The following DOCK7 variants were observed in gnomAD, a reference collection of about 807,000 sequenced individuals.
The protein encoded by DOCK7 is dedicator of cytokinesis 7, also known as dedicator of cytokinesis protein 7.
DOCK7 carries 138 observed loss-of-function variants against 271.0 expected under a neutral mutation model. The observed-to-expected ratio is 0.51, with a 90% confidence interval of 0.44 to 0.59. DOCK7 has a LOEUF of 0.59. Ranked by LOEUF, DOCK7 falls within the 20% of genes least tolerant of loss-of-function variation. The pLI, the probability that DOCK7 is intolerant of heterozygous loss-of-function variation, is 0.00. For missense variants in DOCK7, 2,066 were observed against 2,592.4 expected, an observed-to-expected ratio of 0.80 and a Z score of 4.41; for synonymous variants, 823 against 876.1, an observed-to-expected ratio of 0.94 and a Z score of 1.07.
chr1:62,677,099 TG>T (rs1183089474), intron 1 of DOCK7, among the ~76,000 whole-genome samples: 3 of 152,184 alleles, frequency 2.0e-5, no homozygotes, highest in Admixed American at 6.5e-5. Context: ...CACTAAAAAA[TG>T]ACTAATTTTA....
At chr1:62,662,656 G>A (rs1254891078) in intron 2 of DOCK7, among the ~76,000 whole-genome samples, 1 of 152,100 alleles carries the variant, frequency 6.6e-6, no homozygotes, top group African/African-American at 2.4e-5. Context: ...AGCTACTCAG[G>A]AGGCTAAGGC....
intron 1 of DOCK7, among the ~76,000 whole-genome samples, chr1:62,680,050 G>A (rs867914122): frequency 1.3e-5 from 2 of 152,084 alleles, no homozygotes; most frequent in Non-Finnish European, 2.9e-5. Context: ...TAAAGTTCAT[G>A]TGGAACCAAA....
In DOCK7 at chr1:62,682,047, G is replaced by GA. The variant is rs200210698; in HGVS notation, c.38+6179dup. Among the ~76,000 whole-genome samples, 456 of 135,174 alleles carry GA rather than the reference G, an allele frequency of 3.4e-3. 3 individuals are homozygous for GA. The highest frequency in any genetic ancestry group is 0.019 in the East Asian group (88 of 4,680). 88.7% of individuals were successfully genotyped at this position (135,174 alleles called of 152,430 possible). A position where few individuals can be genotyped will look rare whatever the true frequency, so the allele number is the denominator to read the frequency against. On this transcript the variant is annotated intron_variant, in intron 1 of 49. Coordinates refer to ENST00000635253, the MANE Select transcript of DOCK7 (RefSeq NM_001367561.1). ...AAGAAAAGGAAGAATGTATCTAAAA[G>GA]AAAAAAAAAAAACAGCAGAACAGTT...
intron 12 of DOCK7, among the ~76,000 whole-genome samples, chr1:62,621,286 G>C (rs1268901934): frequency 6.6e-6 from 1 of 152,168 alleles, no homozygotes; most frequent in African/African-American, 2.4e-5. Context: ...AATATGAAGA[G>C]ACCTTGAAAA....
In DOCK7 at chr1:62,499,342, C is replaced by T. The variant is rs188641294; in HGVS notation, c.4765-2845G>A. On this transcript the variant is annotated intron_variant, in intron 37 of 49. Transcript: ENST00000635253. ...AAGGACAGTATGAGATAGCAATTTC[C>T]CACTTCTGGATTTCATGTAAAAATA... is the stretch of plus-strand genomic sequence containing the variant. 4.2e-3 allele frequency among the ~76,000 whole-genome samples: 632 copies of T among 152,140 alleles called. 2 individuals carry two copies. Among genetic ancestry groups the T allele is most frequent in the Non-Finnish European group, 7.0e-3 (479 of 67,980 alleles).
chr1:62,620,684 T>C (rs948791790), intron 12 of DOCK7, among the ~76,000 whole-genome samples: 4 of 151,104 alleles, frequency 2.6e-5, no homozygotes, highest in Non-Finnish European at 5.9e-5. Context: ...ATCGAGACCA[T>C]CCTGGCCAAC....
chr1:62,654,201 G>A, intron 2 of DOCK7, 42 bp from the exon 3 acceptor site: 4 of 1,510,842 alleles, frequency 2.6e-6, no homozygotes, highest in East Asian at 2.3e-5. Context: ...GAAAACAAGA[G>A]GTGAATGTAA....
At chr1:62,648,618 T>C in intron 4 of DOCK7, 74 bp from the exon 5 acceptor site, 1 of 791,046 alleles carries the variant, frequency 1.3e-6, no homozygotes, top group Non-Finnish European at 1.8e-6. Context: ...GGCATCATTA[T>C]GTAATAAGCC....
At chr1:62,521,887 A>G (rs1046217648) in intron 31 of DOCK7, among the ~76,000 whole-genome samples, 1 of 152,158 alleles carries the variant, frequency 6.6e-6, no homozygotes, top group Non-Finnish European at 1.5e-5. Context: ...AAGGCAGGAG[A>G]ATGGCTTGAA....
In DOCK7 at chr1:62,625,289, A is replaced by G; in HGVS notation, c.1395T>C (p.Ala465=). The G allele has an allele frequency of 6.2e-7, 1 of 1,614,036 alleles. No homozygotes were observed. Among genetic ancestry groups the G allele is most frequent in the Non-Finnish European group, 8.5e-7 (1 of 1,179,966 alleles). Residue 465 remains alanine, a synonymous_variant, in exon 12 of 50, where the codon GCT becomes GCC. Transcript: ENST00000635253. ...DACNLTSFRP[A]TLTVTNFFKQ... ...TAAAAAAATTTGTCACTGTGAGAGT[A>G]GCTGGTCGAAAGCTCGTCAAGTTAC...
chr1:62,648,173 T>C lies in DOCK7; in HGVS notation c.665A>G (p.Gln222Arg), dbSNP rs1656906150. The C allele has an allele frequency of 6.2e-7, 1 of 1,613,602 alleles. No homozygotes were observed. Among genetic ancestry groups the C allele is most frequent in the African/African-American group, 1.3e-5 (1 of 74,910 alleles). ...GTTTGATTTCCTTTGGTCATCATTC[T>C]GACGGTCTATTTCTTCATTTGGAGT... ...DRTPNEEIDRQNDDQRKSNRH... is the reference protein window; with the variant it reads ...DRTPNEEIDRRNDDQRKSNRH... Residue 222 changes from glutamine to arginine, a missense_variant, in exon 6 of 50, where the codon CAG (glutamine) becomes CGG (arginine). By Grantham distance (43) the Gln-to-Arg change is conservative (BLOSUM62 1). Coordinates refer to ENST00000635253, the MANE Select transcript of DOCK7 (RefSeq NM_001367561.1).
At chr1:62,585,696 T>G (rs1335445499) in intron 15 of DOCK7, among the ~76,000 whole-genome samples, 1 of 152,208 alleles carries the variant, frequency 6.6e-6, no homozygotes, top group Non-Finnish European at 1.5e-5. Context: ...ATTAACATTT[T>G]AATGACCTTT....
intron 43 of DOCK7, among the ~76,000 whole-genome samples, chr1:62,480,733 G>T (rs1646096123): frequency 6.6e-6 from 1 of 152,214 alleles, no homozygotes; most frequent in Non-Finnish European, 1.5e-5. Context: ...AACAGGCCAG[G>T]CGCGGTGGCT....
At chr1:62,651,143 T>C (rs1486351560) in intron 4 of DOCK7, among the ~76,000 whole-genome samples, 1 of 151,546 alleles carries the variant, frequency 6.6e-6, no homozygotes, top group Non-Finnish European at 1.5e-5. Flanking sequence ...ATGTCCTTTG[T>C]AGGGACATGG....
intron 16 of DOCK7, among the ~76,000 whole-genome samples, chr1:62,579,464 C>T (rs975137815): frequency 5.3e-5 from 8 of 151,938 alleles, no homozygotes; most frequent in African/African-American, 1.7e-4. Context: ...GGTGTAGTGG[C>T]TCACACCTGT....
chr1:62,596,653 AT>A (rs753119055), intron 14 of DOCK7, among the ~76,000 whole-genome samples: 1 of 152,242 alleles, frequency 6.6e-6, no homozygotes, highest in East Asian at 1.9e-4. Flanking sequence ...TAAAAAAAAA[AT>A]GTTATTAATC....
chr1:62,487,326 G>A (rs1338640809), intron 43 of DOCK7, 72 bp downstream of exon 43: 22 of 1,480,088 alleles, frequency 1.5e-5, no homozygotes, highest in Non-Finnish European at 2.0e-5. Context: ...GCACATGTGG[G>A]CAAAGCATTG....
intron 1 of DOCK7, among the ~76,000 whole-genome samples, chr1:62,683,076 C>G (rs968316069): frequency 3.3e-5 from 5 of 152,064 alleles, no homozygotes; most frequent in Admixed American, 3.3e-4. Flanking sequence ...GGTAGAGAAA[C>G]AAAATTGTTA....
At chr1:62,530,551 A>T (rs1210915266) in intron 29 of DOCK7, 2 of 152,246 alleles carry the variant, frequency 1.3e-5, no homozygotes, top group Non-Finnish European at 2.9e-5. Flanking sequence ...GCTGTATGTG[A>T]AATCTAGATG....
Sources: gnomAD v4.1 joint callset for allele counts (sites outside exome capture counted in the v4.1 genomes callset) on GRCh38, gnomAD v4.1.1 for gene constraint, MANE v1.5 for transcripts, NCBI Gene and HGNC (gene_info 2026-07-23, HGNC 2026-07-21) for gene names.